The following INPP5A variants were observed in gnomAD, a reference collection of about 807,000 sequenced individuals.
INPP5A encodes 43 kDa inositol polyphosphate 5-phophatase.
A neutral mutation model predicts 65.2 loss-of-function variants in INPP5A; 14 were observed. The ratio of observed to expected loss-of-function variants is 0.21; its 90% CI spans 0.14 to 0.34. The LOEUF (loss-of-function observed/expected upper bound fraction) is 0.34, where lower values mean the gene tolerates loss of function less well. INPP5A is among the 10% of genes least tolerant of loss of function. The pLI, the probability that INPP5A is intolerant of heterozygous loss-of-function variation, is 1.00. For synonymous variants in INPP5A, 207 were observed against 208.3 expected, an observed-to-expected ratio of 0.99 and a Z score of 0.05; for missense variants, 431 against 545.6, an observed-to-expected ratio of 0.79 and a Z score of 2.09.
At chr10:132,652,735 A>T (rs1455465697) in intron 4 of INPP5A, among the ~76,000 whole-genome samples, 1 of 152,226 alleles carries the variant, frequency 6.6e-6, no homozygotes, top group African/African-American at 2.4e-5. Context: ...AGGAGGATGT[A>T]CCTTGTAAAA....
Position 132,546,390 on chromosome 10 carries a change from C to G in INPP5A, c.75+8219C>G, listed in dbSNP as rs115917008. 1.3e-5 allele frequency among the ~76,000 whole-genome samples: 2 copies of G among 151,964 alleles called. No individual in the cohort carries two copies. The highest frequency in any genetic ancestry group is 1.5e-5 in the Non-Finnish European group (1 of 68,006). ...GCCCCACCTCCAGGAGCATGGCCTC[C>G]GGATCAGCCTGTTACTTGAACCCTG... On this transcript the variant is annotated intron_variant, in intron 1 of 15. Coordinates refer to ENST00000368594, the MANE Select transcript of INPP5A (RefSeq NM_005539.5). The surrounding 1 kb of genome is among the most constrained non-coding windows in gnomAD (Gnocchi z 5.7).
chr10:132,602,388 G>T (rs374196892), intron 1 of INPP5A, among the ~76,000 whole-genome samples: 24 of 152,224 alleles, frequency 1.6e-4, no homozygotes, highest in Admixed American at 3.3e-4. Context: ...CTCTGCCTCT[G>T]GATTCGGGTG....
intron 8 of INPP5A, among the ~76,000 whole-genome samples, chr10:132,717,054 A>G (rs1247691801): frequency 6.6e-6 from 1 of 152,226 alleles, no homozygotes; most frequent in East Asian, 1.9e-4. Context: ...GCCCACCGCA[A>G]CACAACTCTG....
chr10:132,594,260 A>G (rs1175041495), intron 1 of INPP5A, among the ~76,000 whole-genome samples: 1 of 152,226 alleles, frequency 6.6e-6, no homozygotes, highest in Non-Finnish European at 1.5e-5. Context: ...GTGATTATTA[A>G]AATTTAAGTG....
chr10:132,723,654 G>A (rs990510353), intron 8 of INPP5A, among the ~76,000 whole-genome samples: 9 of 151,506 alleles, frequency 5.9e-5, no homozygotes, highest in Non-Finnish European at 1.3e-4. Context: ...GCCATGTGGG[G>A]ATTGGCTGTG....
At chr10:132,552,465 T>C (rs2071067573) in intron 1 of INPP5A, among the ~76,000 whole-genome samples, 1 of 135,040 alleles carries the variant, frequency 7.4e-6, no homozygotes, top group South Asian at 2.5e-4. Context: ...GGAGGATTGG[T>C]GAATGCCTTC....
intron 2 of INPP5A, among the ~76,000 whole-genome samples, chr10:132,623,065 A>G (rs148473450): frequency 4.7e-4 from 71 of 152,224 alleles, no homozygotes; most frequent in African/African-American, 1.6e-3. Flanking sequence ...TTAATTCCCC[A>G]CTAACCAATC....
At chr10:132,617,904 A>T (rs967357485) in intron 2 of INPP5A, among the ~76,000 whole-genome samples, 3 of 152,130 alleles carry the variant, frequency 2.0e-5, no homozygotes, top group Non-Finnish European at 4.4e-5. Flanking sequence ...CGTACAGCTT[A>T]CTCTCTCTGC....
chr10:132,541,011 G>C (rs1047339736), intron 1 of INPP5A, among the ~76,000 whole-genome samples: 5 of 146,364 alleles, frequency 3.4e-5, no homozygotes, highest in African/African-American at 1.3e-4. Flanking sequence ...TTTTGTTTTA[G>C]ACAGGGTCTC....
intron 5 of INPP5A, among the ~76,000 whole-genome samples, chr10:132,694,335 G>A (rs188036359): frequency 6.6e-5 from 10 of 152,216 alleles, no homozygotes; most frequent in Admixed American, 1.3e-4. Flanking sequence ...AAATGAAAAC[G>A]TAAATACAGC....
chr10:132,602,772 G>A (rs768102315), intron 1 of INPP5A, among the ~76,000 whole-genome samples: 22 of 152,188 alleles, frequency 1.4e-4, no homozygotes, highest in Non-Finnish European at 3.1e-4. Context: ...AGTGATGAGC[G>A]CGGGCATCCT....
Position 132,659,355 on chromosome 10 carries a change from C to T in INPP5A, c.306+8850C>T, listed in dbSNP as rs1406410673. ...CCCGTAGCTCTGGGGCTGGTCCTGGCCATCTAGCCATGGGACCATGGGCAG... is the reference window on the plus strand; with the variant it reads ...CCCGTAGCTCTGGGGCTGGTCCTGGTCATCTAGCCATGGGACCATGGGCAG... On this transcript the variant is annotated intron_variant, in intron 4 of 15. Transcript: ENST00000368594. This position sits in a 1 kb window ranked among gnomAD's most constrained non-coding sequence, Gnocchi z 5.5. 6.6e-6 allele frequency among the ~76,000 whole-genome samples: 1 copy of T among 152,202 alleles called. No homozygotes were observed. Among genetic ancestry groups the T allele is most frequent in the Non-Finnish European group, 1.5e-5 (1 of 68,028 alleles).
At chr10:132,590,513 T>C (rs569737371) in intron 1 of INPP5A, among the ~76,000 whole-genome samples, 1 of 152,074 alleles carries the variant, frequency 6.6e-6, no homozygotes, top group Non-Finnish European at 1.5e-5. Context: ...GTGTGGACAT[T>C]GCGACACGTG....
At chr10:132,682,719 C>T (rs2073062934) in intron 4 of INPP5A, among the ~76,000 whole-genome samples, 1 of 152,140 alleles carries the variant, frequency 6.6e-6, no homozygotes, top group Admixed American at 6.5e-5. Context: ...GTGTGTTATC[C>T]TATGTGGAAG....
At chr10:132,570,281 G>C (rs549951412) in intron 1 of INPP5A, among the ~76,000 whole-genome samples, 27 of 152,224 alleles carry the variant, frequency 1.8e-4, no homozygotes, top group Non-Finnish European at 3.4e-4. Flanking sequence ...TTTGCCTTGA[G>C]CTGTGAGCTC....
rs570638551 is a variant in INPP5A at position 132,549,062 on chromosome 10, G to T, written c.75+10891G>T. ...CCCACCTTGGCCTCCCAAGGTGCTG[G>T]GATGACAGGTGTGAGCCACTGCGCC... On this transcript the variant is annotated intron_variant, in intron 1 of 15. Transcript: ENST00000368594. The surrounding 1 kb of genome is among the most constrained non-coding windows in gnomAD (Gnocchi z 4.9). 1.2e-4 allele frequency among the ~76,000 whole-genome samples: 19 copies of T among 152,250 alleles called. No homozygotes were observed. In the South Asian group the frequency reaches 3.7e-3, roughly 30 times the overall value.
intron 1 of INPP5A, among the ~76,000 whole-genome samples, chr10:132,598,107 T>G (rs1820052787): frequency 6.6e-6 from 1 of 152,258 alleles, no homozygotes. Context: ...ACTGCTAGGG[T>G]CAGAACTTTC....
intron 4 of INPP5A, among the ~76,000 whole-genome samples, chr10:132,657,801 C>T (rs1590901555): frequency 6.6e-6 from 1 of 152,248 alleles, no homozygotes; most frequent in Non-Finnish European, 1.5e-5. Context: ...CTTAGGGCTC[C>T]AGCCCTGCCC....
rs1234128542 is a variant in INPP5A at position 132,676,020 on chromosome 10, A to G, written c.307-14372A>G. ...CAGAACCATTTTAATTAGGATGCAA[A>G]CTCCTTACATAATTTAATTGGCATA... On this transcript the variant is annotated intron_variant, in intron 4 of 15. Transcript: ENST00000368594. This position sits in a 1 kb window ranked among gnomAD's most constrained non-coding sequence, Gnocchi z 4.0. Among the ~76,000 whole-genome samples the G allele has an allele frequency of 6.6e-6, 1 of 152,170 alleles. No individual in the cohort carries two copies. Among genetic ancestry groups the G allele is most frequent in the Non-Finnish European group, 1.5e-5 (1 of 68,030 alleles).
Sources: allele counts gnomAD v4.1 joint callset (sites outside exome capture counted in the v4.1 genomes callset), GRCh38; gene constraint gnomAD v4.1.1; non-coding constraint Gnocchi (gnomAD v3.1); transcripts MANE v1.5; gene names NCBI Gene and HGNC (gene_info 2026-07-23, HGNC 2026-07-21).